TSPAN18: variants seen among roughly 807,000 people sequenced by gnomAD.
TSPAN18 encodes tetraspanin-18.
In TSPAN18, 14 loss-of-function variants were observed where a neutral mutation model predicts 27.3. The observed-to-expected ratio is 0.51, with a 90% CI of 0.34 to 0.80. TSPAN18 has a LOEUF of 0.80. Among genes scored for constraint, TSPAN18 ranks in the 30% least tolerant of loss-of-function variants. TSPAN18 has a pLI of 0.01. For missense variants in TSPAN18, 268 were observed against 323.9 expected (o/e 0.83, Z 1.32); for synonymous variants, 143 against 136.5 (o/e 1.05, Z -0.33).
intron 1 of TSPAN18, among the ~76,000 whole-genome samples, chr11:44,754,662 G>A (rs2134866398): frequency 6.6e-6 from 1 of 152,356 alleles, no homozygotes; most frequent in East Asian, 1.9e-4. Flanking sequence ...GGCCTCTAAT[G>A]CAGGCTGGAG....
intron 1 of TSPAN18, among the ~76,000 whole-genome samples, chr11:44,754,945 G>A (rs1170219203): frequency 6.6e-6 from 1 of 152,204 alleles, no homozygotes; most frequent in Non-Finnish European, 1.5e-5. Flanking sequence ...GTTGACCAGT[G>A]CGGCTGTGTC....
At chr11:44,811,654 G>T (rs575211087) in intron 2 of TSPAN18, among the ~76,000 whole-genome samples, 1 of 152,106 alleles carries the variant, frequency 6.6e-6, no homozygotes, top group Admixed American at 6.5e-5. Flanking sequence ...TAGAGATAGG[G>T]TTTCACCATG....
intron 9 of TSPAN18, among the ~76,000 whole-genome samples, chr11:44,927,459 A>T (rs796109068): frequency 2.0e-5 from 3 of 152,308 alleles, no homozygotes; most frequent in African/African-American, 7.2e-5. Context: ...GAAGTCAGGC[A>T]GCCCAATCCT....
intron 2 of TSPAN18, among the ~76,000 whole-genome samples, chr11:44,795,595 G>A (rs1473701708): frequency 1.3e-5 from 2 of 152,038 alleles, no homozygotes; most frequent in Non-Finnish European, 2.9e-5. Context: ...GGCATGCACT[G>A]GACTTCCAGG....
At chr11:44,789,188 T>A (rs866554636) in intron 2 of TSPAN18, among the ~76,000 whole-genome samples, 4 of 152,152 alleles carry the variant, frequency 2.6e-5, no homozygotes, top group Admixed American at 1.3e-4. Flanking sequence ...CTTACCAGTG[T>A]TTGCGTGACG....
At chr11:44,896,027 G>C (rs1665149) in intron 3 of TSPAN18, among the ~76,000 whole-genome samples, 97,562 of 152,016 alleles carry the variant, frequency 0.64, 31,854 homozygotes, top group Non-Finnish European at 0.7. Flanking sequence ...TGTGCCCATG[G>C]TTATTTGCAC....
chr11:44,873,144 A>G (rs978986914), intron 3 of TSPAN18, among the ~76,000 whole-genome samples: 4 of 152,326 alleles, frequency 2.6e-5, no homozygotes, highest in Admixed American at 1.3e-4. Flanking sequence ...GACTCAGCCA[A>G]AAATTTCCAT....
At chr11:44,741,447 ATG>A (rs58865710) in intron 1 of TSPAN18, among the ~76,000 whole-genome samples, 23,433 of 146,784 alleles carry the variant, frequency 0.16, 3,519 homozygotes, top group African/African-American at 0.4. Context: ...TCAGACATGT[ATG>A]TGTGTGTGTG....
intron 2 of TSPAN18, among the ~76,000 whole-genome samples, chr11:44,820,798 A>C (rs1224269894): frequency 6.6e-6 from 1 of 151,874 alleles, no homozygotes; most frequent in African/African-American, 2.4e-5. Context: ...TGAGTAAATT[A>C]TTGCTTTATT....
At position 44,807,531 on chromosome 11, in the gene TSPAN18, A is replaced by G. The variant is rs1259722985; in HGVS notation, c.-153+43019A>G. Among the ~76,000 whole-genome samples, 309 of 142,398 alleles carry G rather than the reference A, an allele frequency of 2.2e-3. 1 individual carries two copies. The highest frequency in any genetic ancestry group is 0.015 in the Middle Eastern group (4 of 274). 93.4% of individuals were successfully genotyped at this position (142,398 alleles called of 152,430 possible). Reference sequence around the variant, plus strand: ...CACAAGAGTGAAACTCCATCTCAAAAAAAAAAAAAAAAAAAAAAAAGAAAA... The same window carrying G: ...CACAAGAGTGAAACTCCATCTCAAAGAAAAAAAAAAAAAAAAAAAAGAAAA... On this transcript the variant is annotated intron_variant, in intron 2 of 9. Transcript: ENST00000520358.
At chr11:44,800,823 C>T (rs1856464116) in intron 2 of TSPAN18, among the ~76,000 whole-genome samples, 1 of 152,180 alleles carries the variant, frequency 6.6e-6, no homozygotes, top group East Asian at 1.9e-4. Flanking sequence ...AATTGCAAAG[C>T]TTCCTTCCAC....
intron 3 of TSPAN18, among the ~76,000 whole-genome samples, chr11:44,889,255 G>A (rs1003989785): frequency 6.6e-6 from 1 of 152,248 alleles, no homozygotes; most frequent in Admixed American, 6.5e-5. Context: ...AGTCCTGCAA[G>A]GTCCTCCTGG....
chr11:44,864,917 T>C (rs1321123986), intron 3 of TSPAN18, among the ~76,000 whole-genome samples: 2 of 152,226 alleles, frequency 1.3e-5, no homozygotes, highest in African/African-American at 4.8e-5. Flanking sequence ...CTCTGGTCTC[T>C]GGCAGCCAGC....
chr11:44,901,784 G>T (rs2135312988), intron 3 of TSPAN18, among the ~76,000 whole-genome samples: 1 of 152,344 alleles, frequency 6.6e-6, no homozygotes, highest in African/African-American at 2.4e-5. Flanking sequence ...TGGGTGAGTG[G>T]TGTTTTTGAA....
intron 1 of TSPAN18, among the ~76,000 whole-genome samples, chr11:44,753,254 G>C (rs1460612473): frequency 6.6e-6 from 1 of 151,928 alleles, no homozygotes; most frequent in Non-Finnish European, 1.5e-5. Flanking sequence ...TCAACCTCCC[G>C]AGTAGCTGGG....
chr11:44,810,234 G>A (rs1432021878), intron 2 of TSPAN18, among the ~76,000 whole-genome samples: 1 of 152,130 alleles, frequency 6.6e-6, no homozygotes, highest in East Asian at 1.9e-4. Context: ...CACCACCTCC[G>A]TCAAGTTCCA....
intron 3 of TSPAN18, among the ~76,000 whole-genome samples, chr11:44,865,388 T>C (rs1858009080): frequency 6.6e-6 from 1 of 152,208 alleles, no homozygotes. Flanking sequence ...ACGTGGTAAA[T>C]GCTCAAGAAA....
chr11:44,744,736 C>G (rs2134834547), intron 1 of TSPAN18, among the ~76,000 whole-genome samples: 1 of 152,252 alleles, frequency 6.6e-6, no homozygotes, highest in East Asian at 1.9e-4. Flanking sequence ...TTGGTTCTTT[C>G]CCTGCTTCTC....
intron 2 of TSPAN18, among the ~76,000 whole-genome samples, chr11:44,823,409 G>C (rs888186668): frequency 6.6e-6 from 1 of 152,216 alleles, no homozygotes; most frequent in Non-Finnish European, 1.5e-5. Context: ...AAGTCGGGTG[G>C]TTTCTCTCCT....
Sources: gnomAD v4.1 joint callset for allele counts (sites outside exome capture counted in the v4.1 genomes callset) on GRCh38, gnomAD v4.1.1 for gene constraint, MANE v1.5 for transcripts, NCBI Gene and HGNC (gene_info 2026-07-23, HGNC 2026-07-21) for gene names.